The following GAPVD1 variants were observed in gnomAD, a reference collection of about 807,000 sequenced individuals.
The protein encoded by GAPVD1 is GTPase-activating protein and VPS9 domain-containing protein 1.
In GAPVD1, 35 loss-of-function variants were observed where a neutral mutation model predicts 155.5. That is an observed-to-expected ratio of 0.23 (90% CI 0.17 to 0.30). The LOEUF is 0.30. GAPVD1 is among the 10% of genes least tolerant of loss of function. GAPVD1 has a pLI of 1.00. For missense variants in GAPVD1, 1,429 were observed against 1,775.7 expected (o/e 0.80, Z 3.51); for synonymous variants, 636 against 619.7 (o/e 1.03, Z -0.39).
intron 6 of GAPVD1, 30 bp from the exon 7 acceptor site, chr9:125,307,383 T>C: frequency 1.3e-6 from 2 of 1,516,404 alleles, no homozygotes; most frequent in Non-Finnish European, 8.9e-7. Context: ...TAAAGGGAAA[T>C]GTTTCACTGT....
At chr9:125,274,144 A>G (rs1404386605) in intron 2 of GAPVD1, among the ~76,000 whole-genome samples, 1 of 151,570 alleles carries the variant, frequency 6.6e-6, no homozygotes. Flanking sequence ...CAGCCTCCCA[A>G]GTAGCTGTGA....
intron 2 of GAPVD1, among the ~76,000 whole-genome samples, chr9:125,288,150 C>T (rs539005763): frequency 2.9e-4 from 42 of 147,044 alleles, no homozygotes; most frequent in Admixed American, 8.9e-4. Context: ...CTCACTCTGT[C>T]GCCCAGGCTG....
chr9:125,334,616 G>C (rs904986186), intron 15 of GAPVD1, among the ~76,000 whole-genome samples: 1 of 152,112 alleles, frequency 6.6e-6, no homozygotes. Flanking sequence ...TTAACAAAGT[G>C]TGGCCAGGTG....
At chr9:125,362,429 A>G (rs1851076580) in intron 27 of GAPVD1, among the ~76,000 whole-genome samples, 177 bp from the exon 28 acceptor site, 1 of 152,162 alleles carries the variant, frequency 6.6e-6, no homozygotes, top group African/African-American at 2.4e-5. Context: ...TTTCCAGCAT[A>G]TTATTGCTAC....
At chr9:125,309,612 G>C (rs1422042444) in intron 8 of GAPVD1, among the ~76,000 whole-genome samples, 1 of 152,160 alleles carries the variant, frequency 6.6e-6, no homozygotes, top group Non-Finnish European at 1.5e-5. Context: ...TGGGATTACA[G>C]GTGTGAGCCA....
chr9:125,279,004 G>T (rs1836278051), intron 2 of GAPVD1, among the ~76,000 whole-genome samples: 1 of 152,052 alleles, frequency 6.6e-6, no homozygotes, highest in South Asian at 2.1e-4. Flanking sequence ...CTGAGGTCAG[G>T]AGTTTGAGAC....
rs1245955846 is a variant in GAPVD1 at position 125,362,715 on chromosome 9, A to C, written c.4352A>C (p.Glu1451Ala). The change falls in exon 28 of 28, where the codon GAA becomes GCA. Residue 1451 changes from glutamate to alanine, a missense_variant. Physicochemically the swap from Glu to Ala is moderately radical, Grantham distance 107. Transcript: ENST00000297933. ...TGGATGCAGTTCACAGCAGCAGTAGAATTCATTAAAACCATCGATGACCGA... is the reference window on the plus strand; with the variant it reads ...TGGATGCAGTTCACAGCAGCAGTAGCATTCATTAAAACCATCGATGACCGA... The part of the protein sequence containing the change: ...YWWMQFTAAV[E>A]FIKTIDDRK 1 of 1,613,918 alleles carries C rather than the reference A, an allele frequency of 6.2e-7. No individual in the cohort carries two copies. Among genetic ancestry groups the C allele is most frequent in the East Asian group, 2.2e-5 (1 of 44,872 alleles).
At position 125,316,326 on chromosome 9, in the gene GAPVD1, CT is replaced by C. The variant is rs565081303; in HGVS notation, c.1602+3715del. Among the ~76,000 whole-genome samples, 923 of 152,272 alleles carry C rather than the reference CT, an allele frequency of 6.1e-3. 5 individuals carry two copies. Among genetic ancestry groups the C allele is most frequent in the Non-Finnish European group, 0.011 (759 of 68,030 alleles). On this transcript the variant is annotated intron_variant, in intron 9 of 27. Coordinates refer to ENST00000297933, the MANE Select transcript of GAPVD1 (RefSeq NM_001282680.3). ...TATTTCTCCTAATGATATCCCTCCC[CT>C]AACCCCCTACCCCTGCGACAGGCCC... is the stretch of plus-strand genomic sequence containing the variant.
intron 2 of GAPVD1, among the ~76,000 whole-genome samples, chr9:125,277,203 C>T (rs910011565): frequency 6.6e-6 from 1 of 152,204 alleles, no homozygotes; most frequent in Non-Finnish European, 1.5e-5. Flanking sequence ...TCATTCAGCA[C>T]CTGCTAAATG....
At position 125,321,454 on chromosome 9, in the gene GAPVD1, G is replaced by A. The variant is rs1480955826; in HGVS notation, c.1624G>A (p.Asp542Asn). 2.5e-6 allele frequency: 4 copies of A among 1,612,692 alleles called. No individual in the cohort carries two copies. Among genetic ancestry groups the A allele is most frequent in the Non-Finnish European group, 3.4e-6 (4 of 1,178,962 alleles). ...TTAGGTCCTAAACATGCAGCTTTCG[G>A]ATGGAGGACAAGGAGATGTCCCTGT... ...ENEVLNMQLS[D>N]GGQGDVPVDE... Residue 542 changes from aspartate (D) to asparagine (N), a missense_variant, in exon 10 of 28, where the codon GAT becomes AAT. Transcript: ENST00000297933.
rs1415667590 is a variant in GAPVD1 at position 125,360,538 on chromosome 9, G to A, written c.4055G>A (p.Arg1352Gln). The change falls in exon 27 of 28, where the codon CGA becomes CAA. Residue 1352 changes from arginine (R) to glutamine (Q), a missense_variant. Arg to Gln is a conservative substitution (Grantham distance 43). Transcript: ENST00000297933. ...RALQIPEVYLREAPWPSAQSE... is the reference protein window; with the variant it reads ...RALQIPEVYLQEAPWPSAQSE... ...TATGGTCTCACTTAGGTTTATCTTCGAGAAGCACCATGGCCATCTGCACAA... is the reference window on the plus strand; with the variant it reads ...TATGGTCTCACTTAGGTTTATCTTCAAGAAGCACCATGGCCATCTGCACAA... The A allele has an allele frequency of 3.1e-6, 5 of 1,613,520 alleles. No individual in the cohort carries two copies. The highest frequency in any genetic ancestry group is 2.7e-5 in the African/African-American group (2 of 74,892).
chr9:125,331,133 T>C (rs7850390), intron 13 of GAPVD1, among the ~76,000 whole-genome samples: 27 of 152,220 alleles, frequency 1.8e-4, no homozygotes, highest in African/African-American at 6.5e-4. Context: ...TAAGTAACTG[T>C]GTATCTGCAT....
chr9:125,301,359 G>A (rs886200741), intron 4 of GAPVD1, among the ~76,000 whole-genome samples: 6 of 152,012 alleles, frequency 3.9e-5, no homozygotes, highest in Non-Finnish European at 8.8e-5. Flanking sequence ...GTGAGCCACT[G>A]TGTCCTTCCT....
chr9:125,284,848 GTGTT>G (rs1837391444), intron 2 of GAPVD1, among the ~76,000 whole-genome samples: 4 of 152,172 alleles, frequency 2.6e-5, no homozygotes, highest in African/African-American at 2.4e-5. Context: ...ATAATAGTAA[GTGTT>G]TGTGTATCTA....
Position 125,319,802 on chromosome 9 carries a change from C to T in GAPVD1, c.1603-1631C>T, listed in dbSNP as rs184829393. On this transcript the variant is annotated intron_variant, in intron 9 of 27. Coordinates refer to ENST00000297933, the MANE Select transcript of GAPVD1 (RefSeq NM_001282680.3). The stretch of plus-strand genomic sequence containing the variant: ...TTTTAGTAGAGATGGGATTTTGCCA[C>T]GTTGCCCAGGTTGAACTCCTGACCT... 4.1e-3 allele frequency among the ~76,000 whole-genome samples: 626 copies of T among 152,010 alleles called. 3 individuals are homozygous for T. Among genetic ancestry groups the T allele is most frequent in the Middle Eastern group, 6.8e-3 (2 of 294 alleles).
At position 125,307,814 on chromosome 9, in the gene GAPVD1, C is replaced by G. The variant is rs1842091813; in HGVS notation, c.1375C>G (p.Pro459Ala). The change falls in exon 8 of 28, where the codon CCC becomes GCC. Residue 459 changes from proline to alanine, a missense_variant. Pro to Ala is a conservative substitution (Grantham distance 27). Coordinates refer to ENST00000297933, the MANE Select transcript of GAPVD1 (RefSeq NM_001282680.3). Reference sequence around the variant, plus strand: ...AAAAAGTAGCAGTTTAGAAATGACTCCCTACAATACACCTCAGCTATCTCC... The same window carrying G: ...AAAAAGTAGCAGTTTAGAAATGACTGCCTACAATACACCTCAGCTATCTCC... The part of the protein sequence containing the change: ...PGKSSSLEMT[P>A]YNTPQLSPAT... The G allele has an allele frequency of 5.0e-6, 8 of 1,613,260 alleles. No homozygotes were observed. The highest frequency in any genetic ancestry group is 6.8e-6 in the Non-Finnish European group (8 of 1,179,266).
chr9:125,345,236 A>C (rs1848351801), intron 19 of GAPVD1, among the ~76,000 whole-genome samples: 1 of 148,434 alleles, frequency 6.7e-6, no homozygotes, highest in Non-Finnish European at 1.5e-5. Context: ...GATGGAGTGC[A>C]GTGGCGCGAT....
Position 125,282,698 on chromosome 9 carries a change from T to TAC in GAPVD1, c.-149-12759_-149-12758insCA, listed in dbSNP as rs139342769. ...CTACACTCTGCAGCAATTTATACTT[T>TAC]AGTTATCTTACAGTATACCATCTGA... is the stretch of plus-strand genomic sequence containing the variant. On this transcript the variant is annotated intron_variant, in intron 2 of 27. Coordinates refer to ENST00000297933, the MANE Select transcript of GAPVD1 (RefSeq NM_001282680.3). Among the ~76,000 whole-genome samples, 375 of 152,318 alleles carry TAC rather than the reference T, an allele frequency of 2.5e-3. 4 individuals are homozygous for TAC. Among genetic ancestry groups the TAC allele is most frequent in the African/African-American group, 8.0e-3 (331 of 41,576 alleles).
intron 2 of GAPVD1, among the ~76,000 whole-genome samples, chr9:125,280,877 C>A (rs1836682410): frequency 6.6e-6 from 1 of 152,038 alleles, no homozygotes; most frequent in African/African-American, 2.4e-5. Context: ...GCCCAGCCAA[C>A]TGTTACTACT....
Sources: gnomAD v4.1 joint callset for allele counts (sites outside exome capture counted in the v4.1 genomes callset) on GRCh38, gnomAD v4.1.1 for gene constraint, MANE v1.5 for transcripts, NCBI Gene and HGNC (gene_info 2026-07-23, HGNC 2026-07-21) for gene names.